PRKACB: variants seen among roughly 807,000 people sequenced by gnomAD.
PRKACB encodes cAMP-dependent protein kinase catalytic subunit beta.
In PRKACB, 16 loss-of-function variants were observed where a neutral mutation model predicts 51.4. That is an observed-to-expected ratio of 0.31 (90% CI 0.21 to 0.47). The LOEUF is 0.47. Ranked by LOEUF, PRKACB falls within the 20% of genes least tolerant of loss-of-function variation. PRKACB has a pLI of 1.00. For missense variants in PRKACB, 309 were observed against 464.5 expected (o/e 0.67, Z 3.08); for synonymous variants, 147 against 154.4 (o/e 0.95, Z 0.35).
rs762282081 is a variant in PRKACB at position 84,235,257 on chromosome 1, C to T, written c.1149C>T (p.Ile383=). Residue 383 remains isoleucine (I), a synonymous_variant, in exon 10 of 10, where the codon ATC becomes ATT. Transcript: ENST00000370685. ...TTGATGACTATGAAGAAGAAGATATCCGTGTCTCTATAACAGAAAAATGTG... is the reference window on the plus strand; with the variant it reads ...TTGATGACTATGAAGAAGAAGATATTCGTGTCTCTATAACAGAAAAATGTG... The part of the protein sequence containing the change: ...SNFDDYEEED[I]RVSITEKCAK... 3 of 1,613,948 alleles carry T rather than the reference C, an allele frequency of 1.9e-6. No homozygotes were observed. Among genetic ancestry groups the T allele is most frequent in the Non-Finnish European group, 2.5e-6 (3 of 1,179,892 alleles).
chr1:84,148,794 A>G (rs1340587348), intron 1 of PRKACB, among the ~76,000 whole-genome samples: 3 of 152,232 alleles, frequency 2.0e-5, no homozygotes, highest in Non-Finnish European at 2.9e-5. Context: ...ATGATGTTGA[A>G]ATCAGGAAAT....
At chr1:84,125,545 G>A (rs1651509565) in intron 1 of PRKACB, among the ~76,000 whole-genome samples, 1 of 152,124 alleles carries the variant, frequency 6.6e-6, no homozygotes, top group Non-Finnish European at 1.5e-5. Context: ...TTAATAGGGG[G>A]AGCATTCTGC....
chr1:84,223,978 G>A (rs1275223942), intron 9 of PRKACB, among the ~76,000 whole-genome samples: 1 of 152,172 alleles, frequency 6.6e-6, no homozygotes, highest in East Asian at 1.9e-4. Flanking sequence ...GGCTTTTGTA[G>A]GGTAAGACTT....
intron 9 of PRKACB, among the ~76,000 whole-genome samples, chr1:84,234,186 G>A (rs1676284704): frequency 6.6e-6 from 1 of 152,250 alleles, no homozygotes; most frequent in Non-Finnish European, 1.5e-5. Flanking sequence ...TGAGGTGTCA[G>A]TGTTCCCCTG....
intron 8 of PRKACB, chr1:84,205,435 T>TTA (rs1671194742): frequency 4.5e-6 from 1 of 220,758 alleles, no homozygotes; most frequent in South Asian, 1.6e-4. Flanking sequence ...CAATTTGGTC[T>TTA]TATATTTGTG....
intron 2 of PRKACB, among the ~76,000 whole-genome samples, chr1:84,180,183 G>GAGAT (rs1662810350): frequency 3.1e-5 from 1 of 32,062 alleles, no homozygotes; most frequent in South Asian, 1.5e-3. Context: ...AAGAAACTGT[G>GAGAT]ATATATATAT....
chr1:84,109,301 A>C (rs769940711), intron 1 of PRKACB, among the ~76,000 whole-genome samples: 1 of 151,914 alleles, frequency 6.6e-6, no homozygotes, highest in Non-Finnish European at 1.5e-5. Context: ...ATACTGTCAA[A>C]TATTTTTCTA....
At chr1:84,138,294 C>T (rs1653030105) in intron 1 of PRKACB, among the ~76,000 whole-genome samples, 2 of 152,066 alleles carry the variant, frequency 1.3e-5, no homozygotes, top group South Asian at 4.2e-4. Context: ...GATGGAGCTT[C>T]CCATGGTCAA....
At chr1:84,151,986 C>G (rs1654907470) in intron 1 of PRKACB, among the ~76,000 whole-genome samples, 1 of 152,114 alleles carries the variant, frequency 6.6e-6, no homozygotes, top group Admixed American at 6.5e-5. Context: ...TTTACTTTGC[C>G]CAGATCCATC....
intron 1 of PRKACB, among the ~76,000 whole-genome samples, chr1:84,084,633 A>C (rs750330988): frequency 3.3e-5 from 5 of 152,152 alleles, no homozygotes; most frequent in Admixed American, 1.3e-4. Context: ...CTGAAATGGG[A>C]GAAATTTGAA....
intron 5 of PRKACB, among the ~76,000 whole-genome samples, chr1:84,185,774 T>G (rs978191254): frequency 5.3e-5 from 8 of 152,110 alleles, no homozygotes; most frequent in African/African-American, 1.7e-4. Context: ...ACTTAATAGT[T>G]TATAAGCTTC....
chr1:84,145,680 A>C (rs1321167881), intron 1 of PRKACB, among the ~76,000 whole-genome samples: 1 of 152,034 alleles, frequency 6.6e-6, no homozygotes, highest in Non-Finnish European at 1.5e-5. Context: ...TATAGTCTTT[A>C]CTGTATAGCA....
At chr1:84,124,215 G>C (rs185108709) in intron 1 of PRKACB, among the ~76,000 whole-genome samples, 172 of 152,262 alleles carry the variant, frequency 1.1e-3, no homozygotes, top group African/African-American at 4.0e-3. Context: ...ACTACAATGT[G>C]GTCAGTACAG....
Position 84,125,922 on chromosome 1 carries a change from C to T in PRKACB, c.46+47551C>T, listed in dbSNP as rs145762841. ...TGGGATAGTTCCCTTGACCCCTTCG[C>T]GGGACTCACAAAGGGATTGACTTGT... On this transcript the variant is annotated intron_variant, in intron 1 of 8. Transcript: ENST00000370688. 4.2e-3 allele frequency among the ~76,000 whole-genome samples: 634 copies of T among 152,272 alleles called. 2 individuals are homozygous for T. Among genetic ancestry groups the T allele is most frequent in the African/African-American group, 0.014 (593 of 41,542 alleles).
intron 1 of PRKACB, among the ~76,000 whole-genome samples, chr1:84,091,660 C>T (rs1648479904): frequency 6.6e-6 from 1 of 151,864 alleles, no homozygotes. Flanking sequence ...GTGTGCCGCC[C>T]TGCCTGGCTA....
intron 1 of PRKACB, among the ~76,000 whole-genome samples, chr1:84,096,111 A>G (rs189333508): frequency 2.0e-5 from 3 of 152,014 alleles, no homozygotes; most frequent in Admixed American, 2.0e-4. Context: ...TCAACAATTA[A>G]GATGACTTGT....
chr1:84,171,790 G>T (rs889282975), intron 1 of PRKACB, among the ~76,000 whole-genome samples: 18 of 151,496 alleles, frequency 1.2e-4, no homozygotes, highest in African/African-American at 4.1e-4. Context: ...ATCTACCAAT[G>T]TGATTTCAGA....
intron 1 of PRKACB, among the ~76,000 whole-genome samples, chr1:84,113,643 A>C (rs971957296): frequency 3.9e-5 from 6 of 152,236 alleles, no homozygotes; most frequent in African/African-American, 1.4e-4. Flanking sequence ...TTGTTTATCC[A>C]TACAATTCAA....
At chr1:84,221,921 G>A (rs1032828743) in intron 9 of PRKACB, among the ~76,000 whole-genome samples, 1 of 152,086 alleles carries the variant, frequency 6.6e-6, no homozygotes, top group African/African-American at 2.4e-5. Context: ...ATAAAATGTT[G>A]TGTAAATGTC....
Sources: allele counts gnomAD v4.1 joint callset (sites outside exome capture counted in the v4.1 genomes callset), GRCh38; gene constraint gnomAD v4.1.1; transcripts MANE v1.5; gene names NCBI Gene and HGNC (gene_info 2026-07-23, HGNC 2026-07-21).